SCAPER: variants seen among roughly 807,000 people sequenced by gnomAD.
SCAPER encodes S phase cyclin A-associated protein in the endoplasmic reticulum.
A neutral mutation model predicts 182.2 loss-of-function variants in SCAPER; 98 were observed. The ratio of observed to expected loss-of-function variants is 0.54; its 90% CI spans 0.46 to 0.64. The LOEUF is 0.64. Ranked by LOEUF, SCAPER falls within the 30% of genes least tolerant of loss-of-function variation. SCAPER has a pLI of 0.00. For missense variants in SCAPER, 1,432 were observed against 1,690.0 expected (o/e 0.85, Z 2.68); for synonymous variants, 605 against 564.6 (o/e 1.07, Z -1.01).
At chr15:76,611,577 A>G (rs1177342201) in intron 22 of SCAPER, among the ~76,000 whole-genome samples, 4 of 152,194 alleles carry the variant, frequency 2.6e-5, no homozygotes, top group African/African-American at 4.8e-5. Context: ...AACAGATCCT[A>G]TAAGGCCAGT....
chr15:76,674,027 GTTCA>G (rs898285652), intron 20 of SCAPER, among the ~76,000 whole-genome samples: 9 of 151,118 alleles, frequency 6.0e-5, no homozygotes, highest in African/African-American at 1.5e-4. Context: ...TAGGAAACCA[GTTCA>G]TTATCTTGAA....
intron 22 of SCAPER, among the ~76,000 whole-genome samples, chr15:76,581,370 G>C (rs1358680460): frequency 6.6e-6 from 1 of 152,000 alleles, no homozygotes; most frequent in African/African-American, 2.4e-5. Flanking sequence ...GAAAACAATA[G>C]GTCAATATCC....
At chr15:76,443,404 T>G (rs183762196) in intron 25 of SCAPER, among the ~76,000 whole-genome samples, 1 of 152,092 alleles carries the variant, frequency 6.6e-6, no homozygotes. Context: ...AAACATCAAA[T>G]TTATGGTGAA....
rs191942646 is a variant in SCAPER, at chr15:76,353,443, G to C, written c.4047+506C>G. ...TGCTATGGCACTAATTCTGATTCTAGCCCTACAGAATTTAAAATATAAGGC... is the reference window on the plus strand; with the variant it reads ...TGCTATGGCACTAATTCTGATTCTACCCCTACAGAATTTAAAATATAAGGC... On this transcript the variant is annotated intron_variant, in intron 30 of 31. Transcript: ENST00000563290. Among the ~76,000 whole-genome samples the C allele has an allele frequency of 4.9e-3, 748 of 152,028 alleles. 5 individuals carry two copies. The highest frequency in any genetic ancestry group is 8.9e-3 in the South Asian group (43 of 4,822).
intron 26 of SCAPER, among the ~76,000 whole-genome samples, chr15:76,425,657 G>A (rs1028951280): frequency 6.6e-6 from 1 of 152,196 alleles, no homozygotes; most frequent in Non-Finnish European, 1.5e-5. Context: ...CGTTGCTGAT[G>A]AGGAGCTGCG....
At chr15:76,712,252 AT>A (rs2059626778) in intron 17 of SCAPER, among the ~76,000 whole-genome samples, 1 of 152,102 alleles carries the variant, frequency 6.6e-6, no homozygotes, top group Non-Finnish European at 1.5e-5. Flanking sequence ...AGTTGTAGAT[AT>A]GCGGCGTTAT....
intron 15 of SCAPER, among the ~76,000 whole-genome samples, chr15:76,742,606 T>A (rs1332032944): frequency 6.6e-6 from 1 of 151,578 alleles, no homozygotes; most frequent in Non-Finnish European, 1.5e-5. Flanking sequence ...AATAATGGAC[T>A]ATGATCTAAT....
chr15:76,534,316 T>C (rs141975260), intron 23 of SCAPER, among the ~76,000 whole-genome samples: 98 of 152,302 alleles, frequency 6.4e-4, no homozygotes, highest in African/African-American at 2.2e-3. Flanking sequence ...AACAAAGATC[T>C]TGTTTGACAC....
intron 23 of SCAPER, among the ~76,000 whole-genome samples, chr15:76,564,211 G>T (rs953391773): frequency 1.3e-5 from 2 of 151,882 alleles, no homozygotes; most frequent in Non-Finnish European, 2.9e-5. Context: ...AAATAGAAAC[G>T]GAGGAAGTCA....
chr15:76,749,107 T>A (rs2061957758), intron 15 of SCAPER, among the ~76,000 whole-genome samples: 1 of 151,876 alleles, frequency 6.6e-6, no homozygotes, highest in Non-Finnish European at 1.5e-5. Flanking sequence ...GATGCAAAAA[T>A]TCCTAAAATT....
intron 26 of SCAPER, among the ~76,000 whole-genome samples, chr15:76,428,158 A>G (rs2046573676): frequency 6.6e-6 from 1 of 152,186 alleles, no homozygotes; most frequent in African/African-American, 2.4e-5. Context: ...AAAAGGAAAC[A>G]CTTGAACACT....
At chr15:76,625,366 C>T (rs1018209746) in intron 21 of SCAPER, among the ~76,000 whole-genome samples, 2 of 152,130 alleles carry the variant, frequency 1.3e-5, no homozygotes, top group African/African-American at 2.4e-5. Context: ...TGTGCTTTGG[C>T]CCCAGGTTCA....
chr15:76,418,234 C>T (rs979818902), intron 26 of SCAPER, among the ~76,000 whole-genome samples: 6 of 152,192 alleles, frequency 3.9e-5, no homozygotes, highest in East Asian at 1.9e-4. Flanking sequence ...CAGGATACCA[C>T]CACAGACAGG....
intron 4 of SCAPER, among the ~76,000 whole-genome samples, chr15:76,847,603 T>C (rs1027375181): frequency 3.9e-5 from 6 of 152,220 alleles, no homozygotes; most frequent in East Asian, 1.9e-4. Flanking sequence ...ACACCCACTA[T>C]GTACCCACAA....
chr15:76,833,504 T>C (rs552413424), intron 5 of SCAPER, among the ~76,000 whole-genome samples: 5 of 152,246 alleles, frequency 3.3e-5, no homozygotes, highest in African/African-American at 1.2e-4. Flanking sequence ...GATTAATGCA[T>C]CACATATCAA....
chr15:76,775,928 A>T (rs911379666), intron 8 of SCAPER, among the ~76,000 whole-genome samples: 2 of 152,320 alleles, frequency 1.3e-5, no homozygotes, highest in South Asian at 4.1e-4. Flanking sequence ...CCCCAATTGT[A>T]AATTTTTATT....
chr15:76,444,533 T>C (rs577780759), intron 25 of SCAPER, among the ~76,000 whole-genome samples: 7 of 152,350 alleles, frequency 4.6e-5, no homozygotes, highest in African/African-American at 1.7e-4. Context: ...TTTAATCTAA[T>C]TACCTATGTG....
rs1368928935 is a variant in SCAPER at position 76,602,018 on chromosome 15, G to A, written c.2711+19746C>T. On this transcript the variant is annotated intron_variant, in intron 22 of 31. Coordinates refer to ENST00000563290, the MANE Select transcript of SCAPER (RefSeq NM_020843.4). ...TGAGAATACTACATTTTCAATCCGTGTTTGGTTGAAAACATCTGCATATCA... is the reference window on the plus strand; with the variant it reads ...TGAGAATACTACATTTTCAATCCGTATTTGGTTGAAAACATCTGCATATCA... 5.8e-5 allele frequency among the ~76,000 whole-genome samples: 7 copies of A among 121,198 alleles called. 2 individuals are homozygous for A. Among genetic ancestry groups the A allele is most frequent in the Non-Finnish European group, 1.4e-4 (7 of 49,982 alleles). The allele number at this position is 121,198 out of a possible 152,430, so 79.5% of individuals were successfully genotyped here. A position where few individuals can be genotyped will look rare whatever the true frequency, so the allele number is the denominator to read the frequency against.
chr15:76,702,812 G>A, intron 19 of SCAPER, 38 bp downstream of exon 19: 1 of 1,567,650 alleles, frequency 6.4e-7, no homozygotes, highest in Non-Finnish European at 8.6e-7. Flanking sequence ...AACTTTAGTA[G>A]TAAACTATAT....
Sources: allele counts gnomAD v4.1 joint callset (sites outside exome capture counted in the v4.1 genomes callset), GRCh38; gene constraint gnomAD v4.1.1; transcripts MANE v1.5; gene names NCBI Gene and HGNC (gene_info 2026-07-23, HGNC 2026-07-21).